Variants in SRGAP2B observed in about 807,000 individuals in gnomAD.
The protein encoded by SRGAP2B is SLIT-ROBO Rho GTPase activating protein 2B, also known as SLIT-ROBO Rho GTPase-activating protein 2B.
In SRGAP2B, 9 loss-of-function variants were observed where a neutral mutation model predicts 22.2. The ratio of observed to expected loss-of-function variants is 0.41; its 90% CI spans 0.24 to 0.71. The LOEUF (loss-of-function observed/expected upper bound fraction) is 0.71, where lower values mean the gene tolerates loss of function less well. Ranked by LOEUF, SRGAP2B falls within the 30% of genes least tolerant of loss-of-function variation. The probability of loss-of-function intolerance (pLI) is 0.35; values close to 1 mark genes in which losing one functional copy is unlikely to be tolerated. For missense variants in SRGAP2B, 114 were observed against 235.8 expected (o/e 0.48, Z 3.38); for synonymous variants, 36 against 87.4 (o/e 0.41, Z 3.28).
At chr1:145,046,620 AAG>A (rs1378665479) in intron 2 of SRGAP2B, among the ~76,000 whole-genome samples, 1 of 131,206 alleles carries the variant, frequency 7.6e-6, no homozygotes, top group African/African-American at 3.2e-5. Context: ...GGGAAAAAAA[AAG>A]AGAGAGAGAC....
rs1229784848 is a variant in SRGAP2B at position 144,911,655 on chromosome 1, T to TC, written c.486+3036dup. Among the ~76,000 whole-genome samples, 34 of 148,704 alleles carry TC rather than the reference T, an allele frequency of 2.3e-4. 2 individuals carry two copies. The highest frequency in any genetic ancestry group is 8.4e-4 in the African/African-American group (33 of 39,060). The stretch of plus-strand genomic sequence containing the variant: ...TTTTTTGAGACCGAGTCTTGCTCTG[T>TC]CCCCCAGGCTGGAGTGCAGTGGCAC... On this transcript the variant is annotated intron_variant, in intron 5 of 9. Transcript: ENST00000612199.
chr1:145,010,789 TGCCTGCCCTGTCTCA>T (rs1671997588), intron 2 of SRGAP2B, among the ~76,000 whole-genome samples: 1 of 149,036 alleles, frequency 6.7e-6, no homozygotes, highest in Non-Finnish European at 1.5e-5. Flanking sequence ...CCCTCCTACC[TGCCTGCCCTGTCTCA>T]GCCTCTAACC....
chr1:144,942,207 G>GT, intron 4 of SRGAP2B, among the ~76,000 whole-genome samples: 1 of 145,280 alleles, frequency 6.9e-6, no homozygotes, highest in South Asian at 2.2e-4. Flanking sequence ...CCTAGGCATG[G>GT]TTAGCATTCA....
chr1:144,992,535 CA>C (rs1211377230), intron 3 of SRGAP2B, among the ~76,000 whole-genome samples: 1 of 139,210 alleles, frequency 7.2e-6, no homozygotes, highest in Non-Finnish European at 1.5e-5. Flanking sequence ...ACTAAAATAA[CA>C]TTTTTTTATC....
chr1:144,944,105 A>C (rs1357992322), intron 4 of SRGAP2B, among the ~76,000 whole-genome samples: 2 of 150,278 alleles, frequency 1.3e-5, no homozygotes, highest in African/African-American at 5.0e-5. Context: ...GATCAAGGTG[A>C]TCAACCAGTA....
chr1:145,005,359 A>G (rs1195085146), intron 2 of SRGAP2B, among the ~76,000 whole-genome samples: 1 of 152,104 alleles, frequency 6.6e-6, no homozygotes, highest in East Asian at 1.9e-4. Context: ...AGGCTCCAAC[A>G]CAATCGAGTT....
chr1:144,911,743 G>A (rs1330855435), intron 5 of SRGAP2B, among the ~76,000 whole-genome samples: 1 of 134,228 alleles, frequency 7.5e-6, no homozygotes, highest in Admixed American at 7.6e-5. Context: ...TCAGCCTCCT[G>A]AGTAGCTGGG....
chr1:144,932,526 C>A (rs1178549779), intron 4 of SRGAP2B, among the ~76,000 whole-genome samples: 1 of 150,036 alleles, frequency 6.7e-6, no homozygotes, highest in Admixed American at 6.6e-5. Context: ...AGCATGCAGA[C>A]CTTTTGGGTA....
intron 2 of SRGAP2B, among the ~76,000 whole-genome samples, chr1:145,066,718 G>A (rs1309053124): frequency 1.6e-4 from 25 of 151,846 alleles, no homozygotes; most frequent in Admixed American, 4.6e-4. Flanking sequence ...GAACGCAGCC[G>A]CCTGACCAGA....
intron 2 of SRGAP2B, among the ~76,000 whole-genome samples, chr1:145,030,300 C>A (rs12045852): frequency 6.6e-6 from 1 of 150,418 alleles, no homozygotes; most frequent in East Asian, 1.9e-4. Flanking sequence ...ACACGTTATT[C>A]TTCCATCCTT....
At chr1:144,989,115 C>G (rs1442135168) in intron 3 of SRGAP2B, among the ~76,000 whole-genome samples, 1 of 130,240 alleles carries the variant, frequency 7.7e-6, no homozygotes, top group Non-Finnish European at 1.6e-5. Context: ...ACCCAGAGGA[C>G]CCACTAAAAT....
intron 4 of SRGAP2B, among the ~76,000 whole-genome samples, chr1:144,939,626 T>C (rs1200541186): frequency 6.8e-6 from 1 of 147,590 alleles, no homozygotes; most frequent in Non-Finnish European, 1.5e-5. Flanking sequence ...AATAATATTA[T>C]TAAACTCAAC....
intron 7 of SRGAP2B, among the ~76,000 whole-genome samples, chr1:144,904,680 C>A (rs1215894858): frequency 3.3e-5 from 1 of 30,180 alleles, no homozygotes. Flanking sequence ...GCCTGGGGGA[C>A]AAAGCAAGAC....
chr1:144,975,289 T>A (rs1459615008), intron 3 of SRGAP2B, among the ~76,000 whole-genome samples: 2 of 147,058 alleles, frequency 1.4e-5, no homozygotes, highest in East Asian at 3.9e-4. Context: ...ACATTGAAGG[T>A]CTGGAGATTG....
intron 2 of SRGAP2B, among the ~76,000 whole-genome samples, chr1:145,073,020 C>T (rs1467942902): frequency 2.0e-5 from 3 of 148,862 alleles, no homozygotes; most frequent in Admixed American, 6.7e-5. Context: ...CAACCAAACT[C>T]GGAGCAAGGC....
At chr1:144,964,201 TGAG>T in intron 3 of SRGAP2B, among the ~76,000 whole-genome samples, 1 of 147,984 alleles carries the variant, frequency 6.8e-6, no homozygotes, top group East Asian at 2.0e-4. Flanking sequence ...GGAATTCTCT[TGAG>T]GACAGGGTAT....
chr1:144,992,408 A>G (rs1484002125), intron 3 of SRGAP2B, among the ~76,000 whole-genome samples: 1 of 151,000 alleles, frequency 6.6e-6, no homozygotes, highest in Non-Finnish European at 1.5e-5. Flanking sequence ...AATATGATAC[A>G]GTACTAAAAA....
chr1:144,936,584 TACATCTA>T (rs1436882000), intron 4 of SRGAP2B, among the ~76,000 whole-genome samples: 149 of 151,564 alleles, frequency 9.8e-4, no homozygotes, highest in Admixed American at 1.6e-3. Context: ...ATCACTTCCT[TACATCTA>T]ACCTGGGGAG....
intron 2 of SRGAP2B, among the ~76,000 whole-genome samples, chr1:144,999,929 T>G (rs12034007): frequency 0.051 from 7,604 of 149,080 alleles, 1,085 homozygotes; most frequent in East Asian, 0.48. Context: ...TTTAAAAGAG[T>G]GAATTTTACA....
Sources: allele counts gnomAD v4.1 joint callset (sites outside exome capture counted in the v4.1 genomes callset), GRCh38; gene constraint gnomAD v4.1.1; transcripts MANE v1.5; gene names NCBI Gene and HGNC (gene_info 2026-07-23, HGNC 2026-07-21).